The following TDO2 variants were observed in gnomAD, a reference collection of about 807,000 sequenced individuals.
TDO2 encodes the protein tryptophan 2,3-dioxygenase.
A neutral mutation model predicts 61.2 loss-of-function variants in TDO2; 63 were observed. The observed-to-expected ratio is 1.03, with a 90% CI of 0.84 to 1.27. The LOEUF is 1.27. TDO2 is among the 50% of genes most tolerant of loss of function. The pLI, the probability that TDO2 is intolerant of heterozygous loss-of-function variation, is 0.00. For missense variants in TDO2, 494 were observed against 469.5 expected, an observed-to-expected ratio of 1.05 and a Z score of -0.48; for synonymous variants, 183 against 164.0, an observed-to-expected ratio of 1.12 and a Z score of -0.89.
chr4:155,920,322 T>C lies in TDO2; in HGVS notation c.*332T>C. On this transcript the variant is annotated 3_prime_UTR_variant, in exon 12 of 12. Transcript: ENST00000536354. ...TTGTAAACTTCATCTATTTCAAATA[T>C]TTTATGCAGTACATTATATTATTCT... 1 of 261,906 alleles carries C rather than the reference T, an allele frequency of 3.8e-6. No individual in the cohort carries two copies. The highest frequency in any genetic ancestry group is 7.2e-6 in the Non-Finnish European group (1 of 137,988). The allele number at this position is 261,906 out of a possible 1,614,324, so 16.2% of individuals were successfully genotyped here. A position where few individuals can be genotyped will look rare whatever the true frequency, so the allele number is the denominator to read the frequency against.
chr4:155,913,066 C>T (rs1425821446), intron 7 of TDO2, among the ~76,000 whole-genome samples: 1 of 152,118 alleles, frequency 6.6e-6, no homozygotes, highest in Non-Finnish European at 1.5e-5. Context: ...ACCACTACCA[C>T]TCAAGTGCAA....
At chr4:155,909,979 T>C in intron 5 of TDO2, 46 bp from the exon 6 acceptor site, 1 of 811,154 alleles carries the variant, frequency 1.2e-6, no homozygotes, top group South Asian at 2.6e-5. Flanking sequence ...TCTCCTCTCC[T>C]CTCTTTCCCT....
chr4:155,904,174 T>C, intron 2 of TDO2, 51 bp downstream of exon 2: 6 of 1,303,888 alleles, frequency 4.6e-6, no homozygotes, highest in South Asian at 1.3e-5. Context: ...AGGCACTCAA[T>C]TCTGCCAAGT....
In TDO2 at chr4:155,910,034, A is replaced by C. The variant is rs1383175063; in HGVS notation, c.441A>C (p.Leu147Phe). 2.6e-6 allele frequency: 4 copies of C among 1,560,624 alleles called. No homozygotes were observed. The highest frequency in any genetic ancestry group is 3.4e-6 in the Non-Finnish European group (4 of 1,161,744). ...ALDFNDFREY[L>F]SPASGFQSLQ... ...CCATTTAATCTCAAAGAGAGTACTT[A>C]TCTCCAGCATCAGGCTTCCAGAGTT... The change falls in exon 6 of 12, where the codon TTA becomes TTC. Residue 147 changes from leucine (L) to phenylalanine (F), a missense_variant. Physicochemically the swap from Leu to Phe is conservative, Grantham distance 22. Coordinates refer to ENST00000536354, the MANE Select transcript of TDO2 (RefSeq NM_005651.4).
At chr4:155,905,003 T>C in intron 2 of TDO2, 64 bp from the exon 3 acceptor site, 1 of 1,131,540 alleles carries the variant, frequency 8.8e-7, no homozygotes, top group Admixed American at 2.7e-5. Context: ...ATTCTACTTC[T>C]TACTAAAGTT....
At chr4:155,913,681 T>A (rs1742878375) in intron 7 of TDO2, among the ~76,000 whole-genome samples, 1 of 152,164 alleles carries the variant, frequency 6.6e-6, no homozygotes, top group Non-Finnish European at 1.5e-5. Flanking sequence ...TAATTTGAAA[T>A]AATATGCATA....
At chr4:155,905,538 T>C (rs1742703717) in intron 3 of TDO2, 1 of 160,912 alleles carries the variant, frequency 6.2e-6, no homozygotes, top group Admixed American at 6.5e-5. Context: ...ACAAATCTAG[T>C]AATAAAGACA....
intron 6 of TDO2, 27 bp downstream of exon 6, chr4:155,910,238 T>C: frequency 6.6e-7 from 1 of 1,507,978 alleles, no homozygotes; most frequent in Non-Finnish European, 8.8e-7. Context: ...TTTATAAAGT[T>C]TAACTCAATA....
At chr4:155,906,153 A>G (rs1742715081) in intron 3 of TDO2, 1 of 152,176 alleles carries the variant, frequency 6.6e-6, no homozygotes, top group Non-Finnish European at 1.5e-5. Flanking sequence ...AATGGAGAGA[A>G]TTACTGATGC....
chr4:155,904,691 T>A (rs1742686328), intron 2 of TDO2, among the ~76,000 whole-genome samples: 1 of 152,174 alleles, frequency 6.6e-6, no homozygotes, highest in South Asian at 2.1e-4. Flanking sequence ...AAGGATTAAC[T>A]GATAAAGAAT....
Position 155,911,600 on chromosome 4 carries a change from T to C in TDO2, c.722T>C (p.Ile241Thr), listed in dbSNP as rs1178125965. 11 of 1,571,946 alleles carry C rather than the reference T, an allele frequency of 7.0e-6. No homozygotes were observed. The East Asian group carries it at 2.1e-4, about 30-fold the overall frequency. ...GGCCTGGAAGAGGAATTCATAAGGA[T>C]TCAGGTATTTAGATGACATGAGTTA... ...TRGLEEEFIR[I>T]QAKEESEEKE... Residue 241 changes from isoleucine (I) to threonine (T), a missense_variant, in exon 7 of 12, where the codon ATT becomes ACT. Coordinates refer to ENST00000536354, the MANE Select transcript of TDO2 (RefSeq NM_005651.4).
intron 6 of TDO2, among the ~76,000 whole-genome samples, chr4:155,911,138 GAATAT>G (rs1742821833): frequency 6.6e-6 from 1 of 151,834 alleles, no homozygotes; most frequent in African/African-American, 2.4e-5. Flanking sequence ...GAATAAACCA[GAATAT>G]ATTAGTAAAA....
intron 7 of TDO2, among the ~76,000 whole-genome samples, chr4:155,913,820 TA>T (rs1234081771): frequency 6.6e-6 from 1 of 152,036 alleles, no homozygotes; most frequent in Non-Finnish European, 1.5e-5. Context: ...AGAATTTTCT[TA>T]AACCAATCAA....
At chr4:155,915,212 C>G (rs972567342) in intron 8 of TDO2, among the ~76,000 whole-genome samples, 1 of 152,120 alleles carries the variant, frequency 6.6e-6, no homozygotes, top group Non-Finnish European at 1.5e-5. Context: ...CATCCCAAAC[C>G]TTTTTGGAAA....
intron 3 of TDO2, 191 bp downstream of exon 3, chr4:155,905,348 T>C (rs1742700210): frequency 2.0e-6 from 1 of 500,540 alleles, no homozygotes; most frequent in Non-Finnish European, 3.5e-6. Flanking sequence ...CTTCTTTATG[T>C]TACTCCTCTG....
Position 155,910,160 on chromosome 4 carries a change from T to G in TDO2, c.567T>G (p.Asn189Lys). The change falls in exon 6 of 12, where the codon AAT (asparagine) becomes AAG (lysine). Residue 189 changes from asparagine (N) to lysine (K), a missense_variant. Transcript: ENST00000536354. ...GTGATAACTTCAAAGGAGAAGAAAA[T>G]GAACTGCTACTTAAATCTGAGCAGG... Reference protein sequence around the residue: ...HYRDNFKGEENELLLKSEQEK... With the variant: ...HYRDNFKGEEKELLLKSEQEK... 6.3e-7 allele frequency: 1 copy of G among 1,595,576 alleles called. No individual in the cohort carries two copies. Among genetic ancestry groups the G allele is most frequent in the African/African-American group, 1.4e-5 (1 of 73,502 alleles).
Position 155,908,957 on chromosome 4 carries a change from T to C in TDO2, c.374T>C (p.Leu125Pro). Residue 125 changes from leucine to proline, a missense_variant, in exon 5 of 12, where the codon CTG becomes CCG. Coordinates refer to ENST00000536354, the MANE Select transcript of TDO2 (RefSeq NM_005651.4). Reference protein sequence around the residue: ...MHRVSVILKLLVQQFSILETM... With the variant: ...MHRVSVILKLPVQQFSILETM... The stretch of plus-strand genomic sequence containing the variant: ...CGAGTGTCAGTGATCCTGAAACTGC[T>C]GGTGCAGCAGTTTTCCATTCTGGAG... 6.2e-7 allele frequency: 1 copy of C among 1,613,594 alleles called. No individual in the cohort carries two copies. Among genetic ancestry groups the C allele is most frequent in the Non-Finnish European group, 8.5e-7 (1 of 1,179,804 alleles).
intron 9 of TDO2, among the ~76,000 whole-genome samples, chr4:155,916,986 AAAACAAAAC>A (rs1159039991): frequency 1.0e-4 from 15 of 149,906 alleles, no homozygotes; most frequent in Non-Finnish European, 2.0e-4. Context: ...AACAACAAAA[AAAACAAAAC>A]AAAAAAACAA....
At chr4:155,903,979 A>T (rs376085974) in intron 1 of TDO2, 39 bp from the exon 2 acceptor site, 1 of 1,579,352 alleles carries the variant, frequency 6.3e-7, no homozygotes, top group South Asian at 1.1e-5. Flanking sequence ...TGTGTTTTCT[A>T]AAGCACTATT....
Sources: allele counts gnomAD v4.1 joint callset (sites outside exome capture counted in the v4.1 genomes callset), GRCh38; gene constraint gnomAD v4.1.1; transcripts MANE v1.5; gene names NCBI Gene and HGNC (gene_info 2026-07-23, HGNC 2026-07-21).